The following KCNK2 variants were observed in gnomAD, a reference collection of about 807,000 sequenced individuals.
The protein encoded by KCNK2 is potassium two pore domain channel subfamily K member 2, also known as potassium channel subfamily K member 2.
Under a neutral mutation model 40.5 loss-of-function variants are expected in KCNK2, and 21 were observed. The observed-to-expected ratio is 0.52, with a 90% CI of 0.37 to 0.75. The LOEUF is 0.75. KCNK2 is among the 30% of genes least tolerant of loss of function. KCNK2 has a pLI of 0.00. For synonymous variants in KCNK2, 191 were observed against 202.2 expected (o/e 0.94, Z 0.47); for missense variants, 399 against 531.6 (o/e 0.75, Z 2.45).
At chr1:215,020,072 C>A (rs558746372) in intron 1 of KCNK2, among the ~76,000 whole-genome samples, 1 of 151,458 alleles carries the variant, frequency 6.6e-6, no homozygotes, top group African/African-American at 2.4e-5. Context: ...CCCTTTTTTC[C>A]CTTGTTGAGT....
At chr1:215,114,717 C>G (rs924668216) in intron 2 of KCNK2, among the ~76,000 whole-genome samples, 6 of 152,148 alleles carry the variant, frequency 3.9e-5, no homozygotes, top group Non-Finnish European at 8.8e-5. Context: ...TTCCTTTTCT[C>G]TGCATAATGT....
intron 1 of KCNK2, among the ~76,000 whole-genome samples, chr1:215,052,286 G>T (rs1387253758): frequency 6.6e-6 from 1 of 152,160 alleles, no homozygotes; most frequent in Non-Finnish European, 1.5e-5. Context: ...GCCATTAGAA[G>T]TTTTTAAGAA....
At chr1:215,187,256 A>G (rs577564452) in intron 5 of KCNK2, among the ~76,000 whole-genome samples, 2 of 152,284 alleles carry the variant, frequency 1.3e-5, no homozygotes, top group Admixed American at 6.5e-5. Context: ...AAAAGCATCA[A>G]TAATGATGTA....
Position 215,157,603 on chromosome 1 carries a change from A to G in KCNK2, c.476-11596A>G, listed in dbSNP as rs528580204. ...TTTTGAGTATGAATACCTTATTTTAAGAGTTAAAACAAAATTTAATACTTT... is the reference window on the plus strand; with the variant it reads ...TTTTGAGTATGAATACCTTATTTTAGGAGTTAAAACAAAATTTAATACTTT... On this transcript the variant is annotated intron_variant, in intron 3 of 6. Transcript: ENST00000444842. Among the ~76,000 whole-genome samples the G allele has an allele frequency of 6.8e-4, 104 of 152,324 alleles. 1 individual carries two copies. Among genetic ancestry groups the G allele is most frequent in the African/African-American group, 2.0e-3 (83 of 41,590 alleles).
chr1:215,135,725 TATTTTA>T (rs1661875762), intron 3 of KCNK2, among the ~76,000 whole-genome samples: 1 of 151,550 alleles, frequency 6.6e-6, no homozygotes, highest in Non-Finnish European at 1.5e-5. Context: ...AGTTATTTTT[TATTTTA>T]TTTATTTATT....
chr1:215,189,729 A>G (rs563058205), intron 5 of KCNK2, among the ~76,000 whole-genome samples: 1 of 152,316 alleles, frequency 6.6e-6, no homozygotes, highest in East Asian at 1.9e-4. Flanking sequence ...TAGAATTTAT[A>G]ACATCATTAA....
intron 1 of KCNK2, among the ~76,000 whole-genome samples, chr1:215,013,611 C>G (rs1005187706): frequency 6.6e-6 from 1 of 152,090 alleles, no homozygotes; most frequent in African/African-American, 2.4e-5. Flanking sequence ...TTTGATTTCT[C>G]TTTGAACACC....
At chr1:215,141,611 C>T (rs1050400846) in intron 3 of KCNK2, among the ~76,000 whole-genome samples, 2 of 152,082 alleles carry the variant, frequency 1.3e-5, no homozygotes, top group African/African-American at 4.8e-5. Flanking sequence ...TTCATACTTG[C>T]AAATGGCTTT....
intron 3 of KCNK2, among the ~76,000 whole-genome samples, chr1:215,161,911 G>T (rs954909253): frequency 1.3e-5 from 2 of 152,126 alleles, no homozygotes; most frequent in African/African-American, 2.4e-5. Flanking sequence ...CTTTATTGTA[G>T]AATGATTTAT....
chr1:215,224,379 C>T (rs922002947), intron 6 of KCNK2, among the ~76,000 whole-genome samples: 4 of 152,014 alleles, frequency 2.6e-5, no homozygotes, highest in African/African-American at 9.7e-5. Flanking sequence ...ATGTTACAGA[C>T]GCATGGCTCA....
intron 1 of KCNK2, among the ~76,000 whole-genome samples, chr1:215,035,975 T>G (rs957730023): frequency 2.0e-5 from 3 of 151,974 alleles, no homozygotes; most frequent in African/African-American, 7.2e-5. Flanking sequence ...GTCAAATATA[T>G]GCATAGGAAA....
chr1:215,208,792 T>C (rs1482649927), intron 6 of KCNK2, among the ~76,000 whole-genome samples: 2 of 152,104 alleles, frequency 1.3e-5, no homozygotes, highest in Non-Finnish European at 2.9e-5. Context: ...TCAAAGTTTG[T>C]AATATGTCAG....
rs556922472 is a variant in KCNK2, at chr1:215,059,016, A to AGTGT, written c.35-27351_35-27348dup. Among the ~76,000 whole-genome samples, 27 of 150,544 alleles carry AGTGT rather than the reference A, an allele frequency of 1.8e-4. No homozygotes were observed. The East Asian group carries it at 4.7e-3, about 26-fold the overall frequency. ...CTCACTTGTTTTTCTGTTGTGTGTG[A>AGTGT]GTGTATGTATGTATGTGTGTGTGTA... On this transcript the variant is annotated intron_variant, in intron 1 of 6. Coordinates refer to the KCNK2 transcript ENST00000391895.
intron 1 of KCNK2, among the ~76,000 whole-genome samples, chr1:215,033,518 T>G (rs1657278647): frequency 6.6e-6 from 1 of 152,168 alleles, no homozygotes. Flanking sequence ...TGGTAAGGTA[T>G]GAGGGGAGGA....
intron 2 of KCNK2, among the ~76,000 whole-genome samples, chr1:215,097,976 T>C (rs539581117): frequency 1.3e-5 from 2 of 152,112 alleles, no homozygotes; most frequent in South Asian, 4.1e-4. Context: ...GGTAATATTC[T>C]TACCAGTAAG....
At chr1:215,124,245 T>A (rs959966971) in intron 2 of KCNK2, among the ~76,000 whole-genome samples, 1 of 152,208 alleles carries the variant, frequency 6.6e-6, no homozygotes, top group African/African-American at 2.4e-5. Context: ...TTCTTTATGA[T>A]GAAGCTATTA....
At chr1:215,201,314 A>G (rs1443844773) in intron 6 of KCNK2, among the ~76,000 whole-genome samples, 1 of 152,202 alleles carries the variant, frequency 6.6e-6, no homozygotes, top group African/African-American at 2.4e-5. Flanking sequence ...CGATGAATAA[A>G]GTAACTAGAA....
intron 5 of KCNK2, among the ~76,000 whole-genome samples, chr1:215,178,738 G>A (rs1430165368): frequency 2.0e-5 from 3 of 152,052 alleles, no homozygotes; most frequent in African/African-American, 7.2e-5. Context: ...ACTTTTTGAT[G>A]TGCTGTTGGA....
chr1:215,114,992 CAGGTGTGTGT>C (rs1407254010), intron 2 of KCNK2, among the ~76,000 whole-genome samples: 6 of 75,800 alleles, frequency 7.9e-5, no homozygotes, highest in Non-Finnish European at 1.2e-4. Context: ...GTTACTTTGT[CAGGTGTGTGT>C]GTGTGTGTGT....
Sources: gnomAD v4.1 joint callset for allele counts (sites outside exome capture counted in the v4.1 genomes callset) on GRCh38, gnomAD v4.1.1 for gene constraint, MANE v1.5 for transcripts, NCBI Gene and HGNC (gene_info 2026-07-23, HGNC 2026-07-21) for gene names.